ATR: variants seen among roughly 807,000 people sequenced by gnomAD.
ATR encodes the protein serine/threonine-protein kinase ATR.
A neutral mutation model predicts 305.3 loss-of-function variants in ATR; 142 were observed. The ratio of observed to expected loss-of-function variants is 0.47; its 90% CI spans 0.41 to 0.53. The LOEUF (loss-of-function observed/expected upper bound fraction) is 0.53. Ranked by LOEUF, ATR falls within the 20% of genes least tolerant of loss-of-function variation. The probability of loss-of-function intolerance (pLI) is 0.00; values close to 1 mark genes in which losing one functional copy is unlikely to be tolerated. For missense variants in ATR, 2,135 were observed against 3,133.1 expected (o/e 0.68, Z 7.60); for synonymous variants, 1,050 against 1,068.1 (o/e 0.98, Z 0.33).
rs755849743 is a variant in ATR at position 142,469,563 on chromosome 3, C to T, written c.6326G>A (p.Arg2109His). Residue 2109 changes from arginine (R) to histidine (H), a missense_variant, in exon 38 of 47, where the codon CGC becomes CAC. Physicochemically the swap from Arg to His is conservative, Grantham distance 29. This residue lies in a region of ATR where 462 missense variants were observed against 887.6 expected (regional missense o/e 0.52). Coordinates refer to ENST00000350721, the MANE Select transcript of ATR (RefSeq NM_001184.4). ...TKAYEWEKAGRSDRVQMRNDL... is the reference protein window; with the variant it reads ...TKAYEWEKAGHSDRVQMRNDL... ...ATTCCTCATTTGTACACGATCGGAG[C>T]GGCCAGCTGGGGGAAGAAATAAGTT... The T allele has an allele frequency of 9.9e-6, 16 of 1,611,218 alleles. No individual in the cohort carries two copies. The highest frequency in any genetic ancestry group is 2.7e-5 in the African/African-American group (2 of 74,794).
intron 36 of ATR, among the ~76,000 whole-genome samples, chr3:142,475,683 A>C (rs1428081327): frequency 2.6e-5 from 4 of 152,248 alleles, no homozygotes. Flanking sequence ...AATGACTTCC[A>C]CAATGGTTGA....
intron 40 of ATR, among the ~76,000 whole-genome samples, chr3:142,466,010 C>CAAAAA (rs143485594): frequency 4.4e-5 from 3 of 68,596 alleles, no homozygotes; most frequent in Non-Finnish European, 3.4e-5. Flanking sequence ...ACCCTGTTTC[C>CAAAAA]AAAAAAAAAA....
intron 20 of ATR, among the ~76,000 whole-genome samples, chr3:142,535,499 A>G (rs147127073): frequency 9.9e-4 from 151 of 152,308 alleles, no homozygotes; most frequent in Admixed American, 1.3e-3. Flanking sequence ...CCCTTAATTT[A>G]CAAAGGGCTA....
At chr3:142,503,214 G>GA (rs889093009) in intron 30 of ATR, 148 bp downstream of exon 30, 1,132 of 569,520 alleles carry the variant, frequency 2.0e-3, no homozygotes, top group South Asian at 2.9e-3. Context: ...AAAACTTGAG[G>GA]AAAAAAAAAT....
rs1248026914 is a variant in ATR at position 142,556,057 on chromosome 3, T to C, written c.2161A>G (p.Met721Val). 5 of 1,613,992 alleles carry C rather than the reference T, an allele frequency of 3.1e-6. No homozygotes were observed. The highest frequency in any genetic ancestry group is 1.3e-5 in the African/African-American group (1 of 74,932). ...GTTAAAGAACTTGTCAGATAAAACA[T>C]GCCGTGAAGAGTACAGACAAGTTGA... ...LGQLVCTLHG[M>V]FYLTSSLTEP... Residue 721 changes from methionine (M) to valine (V), a missense_variant, in exon 10 of 47, where the codon ATG becomes GTG. Met to Val is a conservative substitution (Grantham distance 21, BLOSUM62 1). Around this residue, in one of 9 missense-constraint regions of ATR, gnomAD observed 744 missense variants for 873.2 expected, o/e 0.85. Transcript: ENST00000350721.
chr3:142,522,896 A>G (rs2108396660), intron 22 of ATR, 55 bp from the exon 23 acceptor site: 2 of 1,310,658 alleles, frequency 1.5e-6, no homozygotes, highest in African/African-American at 1.5e-5. Context: ...AAATTTTCTT[A>G]GGTGTACTGC....
chr3:142,452,155 A>C lies in ATR; in HGVS notation c.7761+973T>G, dbSNP rs536011999. On this transcript the variant is annotated intron_variant, in intron 46 of 46. Transcript: ENST00000350721. ...CTCAAGACAAAGGGTTAAGGATGAC[A>C]TGAAGGATGGGGGCGTACAGGTCTA... is the stretch of plus-strand genomic sequence containing the variant. 50 of 1,015,928 alleles carry C rather than the reference A, an allele frequency of 4.9e-5. No homozygotes were observed. The Middle Eastern group carries it at 1.4e-3, about 28-fold the overall frequency. 62.9% of individuals were successfully genotyped at this position (1,015,928 alleles called of 1,614,324 possible).
Position 142,497,157 on chromosome 3 carries a change from T to C in ATR, c.5594A>G (p.Lys1865Arg), listed in dbSNP as rs1317166906. The change falls in exon 33 of 47, where the codon AAA (lysine) becomes AGA (arginine). Residue 1865 changes from lysine (K) to arginine (R), a missense_variant. Transcript: ENST00000350721. The stretch of plus-strand genomic sequence containing the variant: ...ACCTGGAGAATGCTGGAAAAGTGGT[T>C]TGATGCTATGCTCCAACTCACATAA... ...HMLCELEHSI[K>R]PLFQHSPGDS... 1.2e-6 allele frequency: 2 copies of C among 1,613,980 alleles called. No homozygotes were observed. Among genetic ancestry groups the C allele is most frequent in the Non-Finnish European group, 1.7e-6 (2 of 1,180,010 alleles).
In ATR at chr3:142,449,513, T is replaced by C; in HGVS notation, c.7851A>G (p.Glu2617=). The C allele has an allele frequency of 1.2e-6, 2 of 1,613,712 alleles. No homozygotes were observed. The highest frequency in any genetic ancestry group is 1.7e-6 in the Non-Finnish European group (2 of 1,179,604). Residue 2617 remains glutamate (E), a synonymous_variant, in exon 47 of 47, where the codon GAA becomes GAG. Transcript: ENST00000350721. ...NRVTGLPLSI[E]GHVHYLIQEA... ...CCTGTATAAGGTAATGCACATGTCC[T>C]TCAATAGATAACGGCAGTCCTGTCA...
intron 15 of ATR, 71 bp downstream of exon 15, chr3:142,549,408 G>A: frequency 9.0e-7 from 1 of 1,105,258 alleles, no homozygotes; most frequent in Non-Finnish European, 1.3e-6. Flanking sequence ...CTCTTTCCTA[G>A]AAGAATGTTA....
rs774635757 is a variant in ATR, at chr3:142,578,690, G to C, written c.15C>G (p.Gly5=). The C allele has an allele frequency of 9.3e-6, 15 of 1,613,278 alleles. No individual in the cohort carries two copies. The highest frequency in any genetic ancestry group is 4.0e-5 in the African/African-American group (3 of 74,948). The change falls in exon 1 of 47, where the codon GGC becomes GGG. Residue 5 remains glycine (G), a synonymous_variant. Transcript: ENST00000350721. Reference sequence around the variant, plus strand: ...CGGGGATCATGGAAGCCAGCTCCAGGCCATGTTCCCCCATGCTGAGGCTGC... The same window carrying C: ...CGGGGATCATGGAAGCCAGCTCCAGCCCATGTTCCCCCATGCTGAGGCTGC... MGEH[G]LELASMIPAL... is the part of the protein sequence containing the mutation.
intron 14 of ATR, 42 bp from the exon 15 acceptor site, chr3:142,549,715 G>C (rs2034406209): frequency 6.3e-7 from 1 of 1,578,394 alleles, no homozygotes. Flanking sequence ...ACATTTGTCT[G>C]GGTGAAAAAA....
At chr3:142,520,729 A>C (rs543072271) in intron 23 of ATR, among the ~76,000 whole-genome samples, 19 of 152,242 alleles carry the variant, frequency 1.2e-4, no homozygotes, top group Middle Eastern at 3.4e-3. Flanking sequence ...ACAAAAAAAA[A>C]CCCAAAAAGT....
chr3:142,530,189 T>C (rs973742873), intron 21 of ATR, among the ~76,000 whole-genome samples: 8 of 152,150 alleles, frequency 5.3e-5, no homozygotes, highest in Admixed American at 1.3e-4. Context: ...AAATGTTTAG[T>C]CAAATATATT....
At chr3:142,453,401 G>A (rs763432618) in intron 45 of ATR, among the ~76,000 whole-genome samples, 168 bp from the exon 46 acceptor site, 11 of 152,224 alleles carry the variant, frequency 7.2e-5, no homozygotes, top group Non-Finnish European at 1.2e-4. Context: ...TGAGGGGAGG[G>A]TAAGAGAAGG....
chr3:142,492,541 A>G (rs1189878781), intron 35 of ATR, among the ~76,000 whole-genome samples: 4 of 152,020 alleles, frequency 2.6e-5, no homozygotes, highest in Non-Finnish European at 2.9e-5. Context: ...CCTTTCTTCT[A>G]CTTTTTTATT....
intron 23 of ATR, 36 bp from the exon 24 acceptor site, chr3:142,519,820 T>C (rs1255388533): frequency 3.8e-5 from 54 of 1,421,616 alleles, no homozygotes; most frequent in Non-Finnish European, 4.7e-5. Context: ...AAGTCCACAG[T>C]GAAGCAGATA....
At chr3:142,521,673 T>C (rs2033155134) in intron 23 of ATR, among the ~76,000 whole-genome samples, 1 of 152,164 alleles carries the variant, frequency 6.6e-6, no homozygotes, top group South Asian at 2.1e-4. Context: ...GTGGAGGAAG[T>C]AACTAGAGAT....
At chr3:142,519,349 T>C (rs908164902) in intron 24 of ATR, among the ~76,000 whole-genome samples, 5 of 152,010 alleles carry the variant, frequency 3.3e-5, no homozygotes, top group African/African-American at 1.2e-4. Context: ...TCACCCAGGC[T>C]GTAGTGCAAT....
Sources: gnomAD v4.1 joint callset for allele counts (sites outside exome capture counted in the v4.1 genomes callset) on GRCh38, gnomAD v4.1.1 for gene constraint, gnomAD v4.1.1 regional missense constraint, MANE v1.5 for transcripts, NCBI Gene and HGNC (gene_info 2026-07-23, HGNC 2026-07-21) for gene names.